NUP62CL: variants seen among roughly 807,000 people sequenced by gnomAD.
The protein encoded by NUP62CL is nucleoporin 62 C-terminal like.
Under a neutral mutation model 15.3 loss-of-function variants are expected in NUP62CL, and 13 were observed. That is an observed-to-expected ratio of 0.85 (90% CI 0.55 to 1.35). The LOEUF (loss-of-function observed/expected upper bound fraction) is 1.35. NUP62CL is among the 40% of genes most tolerant of loss of function. NUP62CL has a pLI of 0.00. For synonymous variants in NUP62CL, 54 were observed against 49.2 expected (o/e 1.10, Z -0.41); for missense variants, 123 against 130.6 (o/e 0.94, Z 0.28).
chrX:107,165,621 T>C (rs749584366), intron 4 of NUP62CL, among the ~76,000 whole-genome samples: 26 of 111,550 alleles, frequency 2.3e-4, no homozygotes, highest in Middle Eastern at 9.2e-3. Context: ...CAAAAAATTA[T>C]ACACCATGAT....
At chrX:107,165,201 C>T (rs1248164184) in intron 4 of NUP62CL, among the ~76,000 whole-genome samples, 1 of 108,370 alleles carries the variant, frequency 9.2e-6, no homozygotes, top group Non-Finnish European at 1.9e-5. Flanking sequence ...CAGGAGGCCT[C>T]GGCTGAGGCA....
intron 4 of NUP62CL, among the ~76,000 whole-genome samples, chrX:107,156,506 C>A (rs1317223610): frequency 4.7e-5 from 5 of 105,328 alleles, no homozygotes; most frequent in African/African-American, 1.7e-4. Flanking sequence ...GGAGGCACCC[C>A]CCAGCAGGGG....
chrX:107,204,883 TTTTAAATAAATTA>T (rs1314575606), intron 1 of NUP62CL, among the ~76,000 whole-genome samples: 1 of 78,589 alleles, frequency 1.3e-5, no homozygotes, highest in African/African-American at 8.0e-5. Context: ...TTTAAATAAA[TTTTAAATAAATTA>T]TTTAAATAAA....
chrX:107,169,180 A>C (rs1365066758), intron 3 of NUP62CL, among the ~76,000 whole-genome samples: 5 of 112,114 alleles, frequency 4.5e-5, no homozygotes, highest in African/African-American at 1.6e-4. Context: ...ATCCAACTAT[A>C]GGCAAAAAGA....
At chrX:107,149,926 G>GA (rs59292016) in intron 7 of NUP62CL, among the ~76,000 whole-genome samples, 24 of 104,471 alleles carry the variant, frequency 2.3e-4, no homozygotes, top group South Asian at 1.6e-3. Flanking sequence ...TATAGAGAAA[G>GA]AAAAAAAAAA....
Position 107,132,235 on chromosome X carries a change from G to A in NUP62CL, c.*43-7903C>T. ...TCTTATTGATATACCTTCTGAGAAA[G>A]TTCTGTTTTTATGGAAACTCAAATG... On this transcript the variant is annotated intron_variant, in intron 8 of 8. Transcript: ENST00000372466. 3 of 1,093,236 alleles carry A rather than the reference G, an allele frequency of 2.7e-6. No individual in the cohort carries two copies. In the South Asian group the frequency reaches 5.7e-5, roughly 21 times the overall value. 90.1% of individuals were successfully genotyped at this position (1,093,236 alleles called of 1,213,427 possible).
Position 107,159,516 on chromosome X carries a change from C to A in NUP62CL, c.195-5270G>T, listed in dbSNP as rs1417066788. Among the ~76,000 whole-genome samples the A allele has an allele frequency of 2.0e-3, 148 of 74,923 alleles. 1 individual carries two copies. Among genetic ancestry groups the A allele is most frequent in the African/African-American group, 7.9e-3 (139 of 17,515 alleles). The allele number at this position is 74,923 out of a possible 115,157, so 65.1% of individuals were successfully genotyped here. A position where few individuals can be genotyped will look rare whatever the true frequency, so the allele number is the denominator to read the frequency against. On this transcript the variant is annotated intron_variant, in intron 4 of 8. Coordinates refer to ENST00000372466, the MANE Select transcript of NUP62CL (RefSeq NM_017681.3). ...AATGTAATCCAGCATATAAACAGAG[C>A]CAAAGACAAAAATCACATGATTATC... is the stretch of plus-strand genomic sequence containing the variant.
rs767435614 is a variant in NUP62CL at position 107,154,163 on chromosome X, T to A, written c.278A>T (p.Lys93Met). Residue 93 changes from lysine to methionine, a missense_variant, in exon 5 of 9, where the codon AAG becomes ATG. Lys to Met is a moderately conservative substitution (Grantham distance 95, BLOSUM62 -1). Coordinates refer to ENST00000372466, the MANE Select transcript of NUP62CL (RefSeq NM_017681.3). ...CTGAGTGGCCTGGAGAAGAAAGTAC[T>A]TCTCTTGATCTTCCAGCTCAAGGTT... ...EWNLELEDQE[K>M]YFLLQATQVN... 8.3e-7 allele frequency: 1 copy of A among 1,205,505 alleles called. No individual in the cohort carries two copies. The highest frequency in any genetic ancestry group is 1.8e-5 in the African/African-American group (1 of 56,980).
chrX:107,201,234 C>G (rs6523932), intron 1 of NUP62CL, among the ~76,000 whole-genome samples: 40,624 of 110,227 alleles, frequency 0.37, 8,126 homozygotes, highest in African/African-American at 0.77. Context: ...CCATTTTAAA[C>G]TGTACAATTT....
intron 3 of NUP62CL, among the ~76,000 whole-genome samples, chrX:107,170,111 T>A (rs1461137288): frequency 2.9e-5 from 3 of 103,786 alleles, no homozygotes; most frequent in East Asian, 6.0e-4. Flanking sequence ...GGAGGCTAAG[T>A]GAGCGACAGA....
chrX:107,126,212 AC>A (rs1306105280), intron 8 of NUP62CL, among the ~76,000 whole-genome samples: 1 of 112,642 alleles, frequency 8.9e-6, no homozygotes, highest in East Asian at 2.8e-4. Flanking sequence ...CAACAAAAAA[AC>A]ATTGCTAAGA....
At chrX:107,175,359 A>G (rs1387517077) in intron 2 of NUP62CL, among the ~76,000 whole-genome samples, 166 bp from the exon 3 acceptor site, 2 of 112,074 alleles carry the variant, frequency 1.8e-5, no homozygotes, top group Non-Finnish European at 3.8e-5. Context: ...TTGATTTAAA[A>G]AACAGTTCAT....
At chrX:107,165,911 G>A (rs1003927236) in intron 4 of NUP62CL, among the ~76,000 whole-genome samples, 4 of 111,381 alleles carry the variant, frequency 3.6e-5, no homozygotes, top group African/African-American at 1.3e-4. Context: ...GACTCCAGTT[G>A]GATCACAAGC....
chrX:107,132,861 G>C (rs1034554513), intron 8 of NUP62CL, among the ~76,000 whole-genome samples: 20 of 112,196 alleles, frequency 1.8e-4, no homozygotes, highest in African/African-American at 6.5e-4. Context: ...TTTCCTTTGA[G>C]GCTGTTACAA....
chrX:107,160,534 G>T (rs1259136681), intron 4 of NUP62CL, among the ~76,000 whole-genome samples: 1 of 110,873 alleles, frequency 9.0e-6, no homozygotes, highest in African/African-American at 3.3e-5. Context: ...ATGGGGAAAG[G>T]ATTTCCTATT....
At chrX:107,172,745 T>C (rs938260264) in intron 3 of NUP62CL, among the ~76,000 whole-genome samples, 4 of 112,242 alleles carry the variant, frequency 3.6e-5, no homozygotes, top group Non-Finnish European at 7.5e-5. Context: ...CTGTGATCAA[T>C]AACGAAAATT....
chrX:107,189,945 G>GAAAGAAAGAAAGAAAGAAAGAAAGAAAA lies in NUP62CL; in HGVS notation c.-48+3083_-48+3084insTTTTCTTTCTTTCTTTCTTTCTTTCTTT, dbSNP rs780904593. 1.9e-4 allele frequency among the ~76,000 whole-genome samples: 17 copies of GAAAGAAAGAAAGAAAGAAAGAAAGAAAA among 88,795 alleles called. 1 individual carries two copies. Among genetic ancestry groups the GAAAGAAAGAAAGAAAGAAAGAAAGAAAA allele is most frequent in the South Asian group, 1.0e-3 (2 of 1,998 alleles). 77.1% of individuals were successfully genotyped at this position (88,795 alleles called of 115,157 possible). On this transcript the variant is annotated intron_variant, in intron 2 of 8. Coordinates refer to ENST00000372466, the MANE Select transcript of NUP62CL (RefSeq NM_017681.3). Reference sequence around the variant, plus strand: ...AGAAAGAAAGAAAGAAAGAAAGAAAGAGAATCGATACAGACAACAATCTGG... The same window carrying GAAAGAAAGAAAGAAAGAAAGAAAGAAAA: ...AGAAAGAAAGAAAGAAAGAAAGAAAGAAAGAAAGAAAGAAAGAAAGAAAGAAAAAGAATCGATACAGACAACAATCTGG...
At chrX:107,169,311 T>G (rs1317290739) in intron 3 of NUP62CL, among the ~76,000 whole-genome samples, 2 of 111,087 alleles carry the variant, frequency 1.8e-5, no homozygotes, top group Non-Finnish European at 3.8e-5. Flanking sequence ...ATGAGAAATT[T>G]AAAAAAAGAA....
intron 1 of NUP62CL, among the ~76,000 whole-genome samples, chrX:107,202,153 T>C (rs1927501221): frequency 8.9e-6 from 1 of 111,791 alleles, no homozygotes. Flanking sequence ...AATGTTTTAG[T>C]TCTTTAAAAA....
Sources: allele counts gnomAD v4.1 joint callset (sites outside exome capture counted in the v4.1 genomes callset), GRCh38; gene constraint gnomAD v4.1.1; transcripts MANE v1.5; gene names NCBI Gene and HGNC (gene_info 2026-07-23, HGNC 2026-07-21).